CSMD1: variants seen among roughly 807,000 people sequenced by gnomAD.
CSMD1 encodes the protein CUB and Sushi multiple domains 1, also known as CUB and sushi domain-containing protein 1.
In CSMD1, 213 loss-of-function variants were observed where a neutral mutation model predicts 417.5. The observed-to-expected ratio is 0.51, with a 90% CI of 0.46 to 0.57. The LOEUF is 0.57. Ranked by LOEUF, CSMD1 falls within the 20% of genes least tolerant of loss-of-function variation. CSMD1 has a pLI of 0.00. For missense variants in CSMD1, 6,923 were observed against 4,529.7 expected (o/e 1.53, Z -15.17); for synonymous variants, 2,862 against 1,736.8 (o/e 1.65, Z -16.11).
chr8:3,950,198 A>T (rs1363450399), intron 5 of CSMD1, among the ~76,000 whole-genome samples: 1 of 152,228 alleles, frequency 6.6e-6, no homozygotes, highest in Non-Finnish European at 1.5e-5. Context: ...GCCACGATCC[A>T]ATACTGACTG....
intron 4 of CSMD1, among the ~76,000 whole-genome samples, chr8:4,025,197 C>G (rs1796999882): frequency 6.6e-6 from 1 of 152,164 alleles, no homozygotes; most frequent in African/African-American, 2.4e-5. Context: ...GGGGAGTGTT[C>G]TGGATCAGAT....
At chr8:3,132,363 A>T (rs998339735) in intron 41 of CSMD1, among the ~76,000 whole-genome samples, 1 of 152,144 alleles carries the variant, frequency 6.6e-6, no homozygotes, top group Admixed American at 6.6e-5. Flanking sequence ...CTTCAAAAAA[A>T]TTTGACTTAA....
chr8:3,539,904 G>C (rs1370697471), intron 10 of CSMD1, among the ~76,000 whole-genome samples: 2 of 152,110 alleles, frequency 1.3e-5, no homozygotes, highest in Non-Finnish European at 2.9e-5. Context: ...TTTGAATTTA[G>C]ACACAATTGC....
At chr8:3,456,318 C>CTGCACCCACGGTCT (rs57728900) in intron 12 of CSMD1, among the ~76,000 whole-genome samples, 3 of 151,526 alleles carry the variant, frequency 2.0e-5, no homozygotes, top group Non-Finnish European at 4.4e-5. Context: ...ACCCACTGTC[C>CTGCACCCACGGTCT]GACACTCCCC....
intron 1 of CSMD1, among the ~76,000 whole-genome samples, chr8:4,749,759 T>C (rs1012106738): frequency 5.3e-5 from 8 of 152,168 alleles, no homozygotes; most frequent in Non-Finnish European, 8.8e-5. Context: ...ATATACACCA[T>C]CTAGATGCAT....
chr8:3,900,123 T>C (rs1394605350), intron 5 of CSMD1, among the ~76,000 whole-genome samples: 1 of 151,964 alleles, frequency 6.6e-6, no homozygotes, highest in East Asian at 1.9e-4. Flanking sequence ...TGTAGCTGGG[T>C]GACACTGCAG....
chr8:3,424,118 T>G (rs1585144020), intron 12 of CSMD1, among the ~76,000 whole-genome samples: 1 of 152,206 alleles, frequency 6.6e-6, no homozygotes, highest in South Asian at 2.1e-4. Context: ...CACAAATTTA[T>G]CAGTATAGGA....
intron 25 of CSMD1, among the ~76,000 whole-genome samples, chr8:3,303,283 G>A (rs1490996041): frequency 2.6e-5 from 4 of 152,024 alleles, no homozygotes; most frequent in African/African-American, 9.7e-5. Flanking sequence ...TTTCCTACTG[G>A]GATCTGGAAG....
At chr8:4,629,102 T>C (rs551997041) in intron 2 of CSMD1, among the ~76,000 whole-genome samples, 3 of 152,300 alleles carry the variant, frequency 2.0e-5, no homozygotes, top group African/African-American at 7.2e-5. Context: ...CATGTTTGAA[T>C]TTTCAAACAT....
At chr8:4,152,899 T>C (rs901962185) in intron 3 of CSMD1, among the ~76,000 whole-genome samples, 8 of 152,276 alleles carry the variant, frequency 5.3e-5, no homozygotes, top group Admixed American at 3.9e-4. Flanking sequence ...TTAAGATTTT[T>C]CTCAAAAACT....
At position 4,788,101 on chromosome 8, in the gene CSMD1, G is replaced by C. The variant is rs1014397708; in HGVS notation, c.86-150543C>G. 7.3e-5 allele frequency: 117 copies of C among 1,603,248 alleles called. No individual in the cohort carries two copies. In the East Asian group the frequency reaches 1.9e-3, roughly 27 times the overall value. On this transcript the variant is annotated intron_variant, in intron 1 of 69. Transcript: ENST00000635120. ...GTAGAGTTGCTTTTGAAATCAGAAA[G>C]TCAGTGCAGGGTTGTAGTGTTGATG... is the stretch of plus-strand genomic sequence containing the variant.
chr8:3,376,793 A>AT (rs905507014), intron 18 of CSMD1, among the ~76,000 whole-genome samples: 5 of 39,544 alleles, frequency 1.3e-4, no homozygotes, highest in East Asian at 4.7e-4. Context: ...TATTATAATT[A>AT]TTTTTTTTTC....
chr8:3,884,442 G>A (rs575268159), intron 5 of CSMD1, among the ~76,000 whole-genome samples: 50 of 152,254 alleles, frequency 3.3e-4, no homozygotes, highest in African/African-American at 1.2e-3. Flanking sequence ...AGACACCAGA[G>A]AACAAAAATC....
At chr8:4,376,461 C>T (rs115799905) in intron 3 of CSMD1, among the ~76,000 whole-genome samples, 73 of 152,194 alleles carry the variant, frequency 4.8e-4, no homozygotes, top group African/African-American at 1.7e-3. Context: ...TCTGTAGAAA[C>T]ATCATTTAGA....
chr8:4,092,126 T>G (rs1327046297), intron 3 of CSMD1, among the ~76,000 whole-genome samples: 1 of 152,164 alleles, frequency 6.6e-6, no homozygotes. Context: ...TACTTTCTCC[T>G]TAAGAGAAGA....
intron 3 of CSMD1, among the ~76,000 whole-genome samples, chr8:4,323,824 A>G (rs758514667): frequency 3.3e-5 from 5 of 151,960 alleles, no homozygotes; most frequent in Non-Finnish European, 7.4e-5. Flanking sequence ...GCTCCTAATA[A>G]CCTCCTCCAG....
intron 1 of CSMD1, among the ~76,000 whole-genome samples, chr8:4,736,262 T>A (rs1193573547): frequency 2.0e-5 from 3 of 152,198 alleles, no homozygotes; most frequent in Non-Finnish European, 2.9e-5. Context: ...TCACACTTTT[T>A]ATTTTCTTCA....
chr8:3,615,723 C>A (rs574350296), intron 8 of CSMD1, among the ~76,000 whole-genome samples: 8 of 152,136 alleles, frequency 5.3e-5, no homozygotes, highest in Non-Finnish European at 1.5e-5. Flanking sequence ...CCATTTGTAG[C>A]CCACTTCAGC....
At chr8:4,430,665 G>C (rs987116765) in intron 2 of CSMD1, among the ~76,000 whole-genome samples, 3 of 152,026 alleles carry the variant, frequency 2.0e-5, no homozygotes, top group African/African-American at 4.8e-5. Flanking sequence ...TTTTGGGCAA[G>C]TTATAATTAC....
Sources: gnomAD v4.1 joint callset for allele counts (sites outside exome capture counted in the v4.1 genomes callset) on GRCh38, gnomAD v4.1.1 for gene constraint, MANE v1.5 for transcripts, NCBI Gene and HGNC (gene_info 2026-07-23, HGNC 2026-07-21) for gene names.